NHSL2: variants seen among roughly 807,000 people sequenced by gnomAD.
NHSL2 encodes the protein NHS-like protein 2.
A neutral mutation model predicts 53.4 loss-of-function variants in NHSL2; 27 were observed. The observed-to-expected ratio is 0.51, with a 90% CI of 0.37 to 0.70. NHSL2 has a LOEUF of 0.70. Among genes scored for constraint, NHSL2 ranks in the 30% least tolerant of loss-of-function variants. The pLI is 0.00. For missense variants in NHSL2, 892 were observed against 980.1 expected, an observed-to-expected ratio of 0.91 and a Z score of 1.20; for synonymous variants, 408 against 404.1, an observed-to-expected ratio of 1.01 and a Z score of -0.12.
rs1390795601 is a variant in NHSL2 at position 72,148,558 on chromosome X, A to G, written c.*4984A>G. On this transcript the variant is annotated 3_prime_UTR_variant, in exon 8 of 8. Coordinates refer to ENST00000633930, the MANE Select transcript of NHSL2 (RefSeq NM_001013627.3). ...GAAGTGCCTTTGTCAAAAGGCAGCAAAAAGTATAATGATATAAACATAATA... is the reference window on the plus strand; with the variant it reads ...GAAGTGCCTTTGTCAAAAGGCAGCAGAAAGTATAATGATATAAACATAATA... The G allele has an allele frequency of 1.8e-5, 2 of 112,176 alleles. No homozygotes were observed. The highest frequency in any genetic ancestry group is 3.8e-5 in the Non-Finnish European group (2 of 53,292). The allele number at this position is 112,176 out of a possible 1,213,427, so 9.2% of individuals were successfully genotyped here. A position where few individuals can be genotyped will look rare whatever the true frequency, so the allele number is the denominator to read the frequency against.
At chrX:72,123,176 A>C (rs2042194541) in intron 1 of NHSL2, among the ~76,000 whole-genome samples, 1 of 112,256 alleles carries the variant, frequency 8.9e-6, no homozygotes, top group East Asian at 2.8e-4. Flanking sequence ...AAGGGAATGG[A>C]GTGTGCAAAG....
At chrX:72,050,956 C>T (rs762359418) in intron 1 of NHSL2, among the ~76,000 whole-genome samples, 24 of 111,011 alleles carry the variant, frequency 2.2e-4, no homozygotes, top group African/African-American at 1.3e-4. Context: ...CACCGACGTC[C>T]CTGCATTCTC....
intron 1 of NHSL2, among the ~76,000 whole-genome samples, chrX:72,006,790 T>G (rs920309857): frequency 3.6e-5 from 4 of 112,601 alleles, no homozygotes; most frequent in Non-Finnish European, 7.5e-5. Flanking sequence ...AGAGATCTTC[T>G]CACCTTGGCC....
At chrX:71,973,093 T>C (rs936436200) in intron 1 of NHSL2, among the ~76,000 whole-genome samples, 5 of 111,949 alleles carry the variant, frequency 4.5e-5, no homozygotes, top group African/African-American at 6.5e-5. Flanking sequence ...TGGGCCCTGG[T>C]TTAGGGTAGC....
intron 1 of NHSL2, chrX:72,044,570 G>C (rs2042294202): frequency 5.3e-6 from 5 of 946,472 alleles, no homozygotes; most frequent in Non-Finnish European, 6.0e-6. Context: ...AGGAACAACA[G>C]TCATGCCAAA....
At chrX:72,040,324 C>G (rs5991890) in intron 1 of NHSL2, among the ~76,000 whole-genome samples, 4,119 of 112,207 alleles carry the variant, frequency 0.037, 200 homozygotes, top group African/African-American at 0.13. Context: ...CACACATACT[C>G]TCTTACTAAC....
intron 1 of NHSL2, among the ~76,000 whole-genome samples, chrX:72,121,375 T>G (rs2042179804): frequency 8.9e-6 from 1 of 111,827 alleles, no homozygotes; most frequent in Non-Finnish European, 1.9e-5. Context: ...TAAAGATTAT[T>G]TCCAGACTAA....
intron 1 of NHSL2, among the ~76,000 whole-genome samples, chrX:71,927,610 G>A (rs1011875340): frequency 9.1e-6 from 1 of 110,023 alleles, no homozygotes; most frequent in Non-Finnish European, 1.9e-5. Flanking sequence ...AGACAGGAGG[G>A]CAGCAGCGCA....
chrX:71,963,202 T>C (rs938082820), intron 1 of NHSL2, among the ~76,000 whole-genome samples: 6 of 111,048 alleles, frequency 5.4e-5, no homozygotes, highest in Non-Finnish European at 1.1e-4. Flanking sequence ...CTGTCCATTA[T>C]TGAAAGTGGT....
chrX:72,005,115 A>G (rs1602305719), intron 1 of NHSL2, among the ~76,000 whole-genome samples: 1 of 111,850 alleles, frequency 8.9e-6, no homozygotes, highest in Non-Finnish European at 1.9e-5. Context: ...TGAATGAATG[A>G]GTATCTATAT....
At position 72,139,796 on chromosome X, in the gene NHSL2, G is replaced by C. The variant is rs1182428258; in HGVS notation, c.2248G>C (p.Glu750Gln). 3.3e-6 allele frequency: 4 copies of C among 1,209,038 alleles called. No individual in the cohort carries two copies. Among genetic ancestry groups the C allele is most frequent in the Non-Finnish European group, 3.4e-6 (3 of 894,852 alleles). The change falls in exon 6 of 8, where the codon GAG becomes CAG. Residue 750 changes from glutamate to glutamine, a missense_variant. By Grantham distance (29) the Glu-to-Gln change is conservative. Coordinates refer to ENST00000633930, the MANE Select transcript of NHSL2 (RefSeq NM_001013627.3). ...TGTCCGGGTACGTCCAGTGGTACCT[G>C]AGAGGAAGTCATCACTACCCCCGAC... is the stretch of plus-strand genomic sequence containing the variant. ...SSVRVRPVVP[E>Q]RKSSLPPTSP...
chrX:71,967,021 A>G (rs2041903938), intron 1 of NHSL2, among the ~76,000 whole-genome samples: 1 of 112,143 alleles, frequency 8.9e-6, no homozygotes, highest in Non-Finnish European at 1.9e-5. Context: ...AGCTTTGGCA[A>G]ACTGTGTCAT....
Position 71,931,256 on chromosome X carries a change from G to A in NHSL2, c.280+19889G>A, listed in dbSNP as rs146422917. Among the ~76,000 whole-genome samples the A allele has an allele frequency of 6.7e-3, 755 of 112,195 alleles. 7 individuals carry two copies. The highest frequency in any genetic ancestry group is 0.024 in the African/African-American group (729 of 30,917). ...GGAATTATAGTTCTTTATGTATTCC[G>A]TATATTAATCCCTGGTCAGGTATAT... On this transcript the variant is annotated intron_variant, in intron 1 of 7. Transcript: ENST00000633930.
intron 1 of NHSL2, among the ~76,000 whole-genome samples, chrX:72,053,114 A>G (rs1056213617): frequency 8.9e-6 from 1 of 112,401 alleles, no homozygotes; most frequent in Non-Finnish European, 1.9e-5. Context: ...GTTGAGAAGA[A>G]CATAATGACC....
chrX:72,108,940 C>A (rs2042068494), intron 1 of NHSL2, among the ~76,000 whole-genome samples: 1 of 111,716 alleles, frequency 9.0e-6, no homozygotes, highest in African/African-American at 3.3e-5. Context: ...CTGACCACCT[C>A]TGTGACATCT....
rs773782006 is a variant in NHSL2, at chrX:71,934,401, C to T, written c.280+23034C>T. On this transcript the variant is annotated intron_variant, in intron 1 of 7. Coordinates refer to ENST00000633930, the MANE Select transcript of NHSL2 (RefSeq NM_001013627.3). ...CCAAAATACACGTGAATTCAATGCACGTGGATAGGCTAAGTTATGCTCCAG... is the reference window on the plus strand; with the variant it reads ...CCAAAATACACGTGAATTCAATGCATGTGGATAGGCTAAGTTATGCTCCAG... Among the ~76,000 whole-genome samples, 30 of 111,720 alleles carry T rather than the reference C, an allele frequency of 2.7e-4. No individual in the cohort carries two copies. In the Middle Eastern group the frequency reaches 0.018, roughly 69 times the overall value.
chrX:72,139,043 C>T lies in NHSL2; in HGVS notation c.1495C>T (p.Leu499=). 1 of 1,171,822 alleles carries T rather than the reference C, an allele frequency of 8.5e-7. No homozygotes were observed. The highest frequency in any genetic ancestry group is 1.1e-6 in the Non-Finnish European group (1 of 875,153). The change falls in exon 6 of 8, where the codon CTG becomes TTG. Residue 499 remains leucine (L), a synonymous_variant. Transcript: ENST00000633930. ...GGCCAGCAGATTCCGGGAGCGGTCA[C>T]TGTCTGTGCCCACAGACTCAGGCAC... is the stretch of plus-strand genomic sequence containing the variant. The part of the protein sequence containing the change: ...GGASRFRERS[L]SVPTDSGTTD...
intron 1 of NHSL2, among the ~76,000 whole-genome samples, chrX:72,074,422 A>C (rs1443095069): frequency 8.9e-6 from 1 of 112,148 alleles, no homozygotes; most frequent in Non-Finnish European, 1.9e-5. Flanking sequence ...AGTCAGACTT[A>C]ATGAGTCCAT....
intron 7 of NHSL2, 92 bp from the exon 8 acceptor site, chrX:72,143,161 C>T (rs866318193): frequency 1.1e-5 from 7 of 613,550 alleles, no homozygotes; most frequent in Middle Eastern, 1.0e-3. Context: ...GCAGGGCTGC[C>T]GCCTGGATTG....
Sources: allele counts gnomAD v4.1 joint callset (sites outside exome capture counted in the v4.1 genomes callset), GRCh38; gene constraint gnomAD v4.1.1; transcripts MANE v1.5; gene names NCBI Gene and HGNC (gene_info 2026-07-23, HGNC 2026-07-21).